Variants in DCHS1 observed in about 807,000 individuals in gnomAD.
DCHS1 encodes protocadherin-16.
Under a neutral mutation model 213.9 loss-of-function variants are expected in DCHS1, and 78 were observed. The ratio of observed to expected loss-of-function variants is 0.36; its 90% confidence interval spans 0.30 to 0.44. DCHS1 has a LOEUF of 0.44. Ranked by LOEUF, DCHS1 falls within the 20% of genes least tolerant of loss-of-function variation. The probability of loss-of-function intolerance (pLI) is 1.00; values close to 1 mark genes in which losing one functional copy is unlikely to be tolerated. For missense variants in DCHS1, 3,946 were observed against 4,395.9 expected, an observed-to-expected ratio of 0.90 and a Z score of 2.89; for synonymous variants, 1,828 against 1,873.7, an observed-to-expected ratio of 0.98 and a Z score of 0.63.
chr11:6,636,346 A>T (rs1043125942), intron 2 of DCHS1, among the ~76,000 whole-genome samples: 1 of 152,130 alleles, frequency 6.6e-6, no homozygotes, highest in Non-Finnish European at 1.5e-5. Flanking sequence ...AACAACTAGG[A>T]CTACAGGCGT....
chr11:6,621,823 C>T lies in DCHS1; in HGVS notation c.9853G>A (p.Glu3285Lys). ...QGPSASALSA[E>K]SGLEPPDDTE... ...TCATCAGGTGGCTCCAGGCCAGACT[C>T]TGCGCTGAGTGCTGAGGCTGAGGGA... Residue 3285 changes from glutamate to lysine, a missense_variant, in exon 21 of 21, where the codon GAG (glutamate) becomes AAG (lysine). Glu to Lys is a moderately conservative substitution (Grantham distance 56). Transcript: ENST00000299441. The T allele has an allele frequency of 1.9e-6, 3 of 1,607,248 alleles. No homozygotes were observed. Among genetic ancestry groups the T allele is most frequent in the Non-Finnish European group, 2.5e-6 (3 of 1,177,248 alleles).
chr11:6,654,709 T>C (rs891088963), intron 1 of DCHS1, among the ~76,000 whole-genome samples: 4 of 152,134 alleles, frequency 2.6e-5, no homozygotes, highest in Non-Finnish European at 1.5e-5. Flanking sequence ...TCCCTGGGAC[T>C]GTGTCCTCTT....
intron 11 of DCHS1, 40 bp downstream of exon 11, chr11:6,629,632 C>T (rs778652625): frequency 1.2e-6 from 2 of 1,612,462 alleles, no homozygotes; most frequent in African/African-American, 2.7e-5. Context: ...GTTTCTTGCC[C>T]CAGTCCATCC....
At position 6,628,854 on chromosome 11, in the gene DCHS1, G is replaced by C. The variant is rs201230965; in HGVS notation, c.5162-24C>G. The C allele has an allele frequency of 6.3e-7, 1 of 1,599,680 alleles. No individual in the cohort carries two copies. Among genetic ancestry groups the C allele is most frequent in the East Asian group, 2.3e-5 (1 of 44,286 alleles). ...CACTGTGGGGAAGCAAAATCAATGAGGTCTAGTCTGCCCTCACCACATGGA... is the reference window on the plus strand; with the variant it reads ...CACTGTGGGGAAGCAAAATCAATGACGTCTAGTCTGCCCTCACCACATGGA... On this transcript the variant is annotated intron_variant, in intron 12 of 20. Transcript: ENST00000299441. The surrounding 1 kb of genome is among the most constrained non-coding windows in gnomAD (Gnocchi z 4.3).
chr11:6,631,676 G>A lies in DCHS1; in HGVS notation c.3615C>T (p.Asn1205=), dbSNP rs1218547224. ...GTVHVAVLDL[N]DNSPTFLQAS... ...CCTGCAGGAACGTGGGGCTGTTGTCGTTGAGGTCAAGCACTGCAACATGCA... is the reference window on the plus strand; with the variant it reads ...CCTGCAGGAACGTGGGGCTGTTGTCATTGAGGTCAAGCACTGCAACATGCA... The change falls in exon 7 of 21, where the codon AAC becomes AAT. Residue 1205 remains asparagine (N), a synonymous_variant. Coordinates refer to ENST00000299441, the MANE Select transcript of DCHS1 (RefSeq NM_003737.4). 8.7e-6 allele frequency: 14 copies of A among 1,608,414 alleles called. No homozygotes were observed. In the Admixed American group the frequency reaches 1.0e-4, roughly 12 times the overall value.
At position 6,631,035 on chromosome 11, in the gene DCHS1, G is replaced by C. The variant is rs970326159; in HGVS notation, c.3930+18C>G. 3.1e-6 allele frequency: 5 copies of C among 1,588,474 alleles called. No individual in the cohort carries two copies. The highest frequency in any genetic ancestry group is 4.3e-6 in the Non-Finnish European group (5 of 1,165,734). ...GGGGACCTACAGCGGTAGCCAAGGG[G>C]AGGAAGGGCAGCCATACCTGCACCA... On this transcript the variant is annotated intron_variant, in intron 9 of 20. Transcript: ENST00000299441.
At position 6,631,028 on chromosome 11, in the gene DCHS1, C is replaced by T. The variant is rs1226386052; in HGVS notation, c.3930+25G>A. 24 of 1,584,398 alleles carry T rather than the reference C, an allele frequency of 1.5e-5. No homozygotes were observed. In the Admixed American group the frequency reaches 4.1e-4, roughly 27 times the overall value. On this transcript the variant is annotated intron_variant, in intron 9 of 20. Transcript: ENST00000299441. Reference sequence around the variant, plus strand: ...TACTGAAGGGGACCTACAGCGGTAGCCAAGGGGAGGAAGGGCAGCCATACC... The same window carrying T: ...TACTGAAGGGGACCTACAGCGGTAGTCAAGGGGAGGAAGGGCAGCCATACC...
Position 6,640,610 on chromosome 11 carries a change from C to A in DCHS1, c.1004G>T (p.Arg335Leu). The A allele has an allele frequency of 6.2e-7, 1 of 1,609,240 alleles. No homozygotes were observed. The highest frequency in any genetic ancestry group is 1.1e-5 in the South Asian group (1 of 91,088). Residue 335 changes from arginine (R) to leucine (L), a missense_variant, in exon 2 of 21, where the codon CGA becomes CTA. Around this residue, in one of 3 missense-constraint regions of DCHS1, gnomAD observed 3,384 missense variants for 3,780.1 expected, o/e 0.90. Transcript: ENST00000299441. This position sits in a 1 kb window ranked among gnomAD's most constrained non-coding sequence, Gnocchi z 6.5. ...RRVHELVVQA[R>L]DGGAHPELGS... The stretch of plus-strand genomic sequence containing the variant: ...CAGCTCAGGGTGAGCCCCACCATCT[C>A]GTGCTTGCACCACCAGTTCATGGAC...
chr11:6,641,109 C>T lies in DCHS1; in HGVS notation c.505G>A (p.Asp169Asn). The change falls in exon 2 of 21, where the codon GAT becomes AAT. Residue 169 changes from aspartate to asparagine, a missense_variant. Coordinates refer to ENST00000299441, the MANE Select transcript of DCHS1 (RefSeq NM_003737.4). The surrounding 1 kb of genome is among the most constrained non-coding windows in gnomAD (Gnocchi z 7.1). ...GTTCCCAGACGCCCAGCATCTGCAT[C>T]ACGAGCAGGCTCCAGTGGGTAGCGG... ...GTRYPLEPAR[D>N]ADAGRLGTQG... 1.2e-6 allele frequency: 2 copies of T among 1,613,938 alleles called. No homozygotes were observed. The highest frequency in any genetic ancestry group is 1.7e-6 in the Non-Finnish European group (2 of 1,179,902).
chr11:6,622,054 C>T lies in DCHS1; in HGVS notation c.9622G>A (p.Val3208Met), dbSNP rs746122566. Reference protein sequence around the residue: ...RIDPPPLITAVAHPGAKSVPP... With the variant: ...RIDPPPLITAMAHPGAKSVPP... The stretch of plus-strand genomic sequence containing the variant: ...ACAGACTTGGCTCCTGGGTGGGCCA[C>T]GGCAGTGATGAGGGGTGGTGGGTCG... Residue 3208 changes from valine to methionine, a missense_variant, in exon 21 of 21, where the codon GTG (valine) becomes ATG (methionine). Val to Met is a conservative substitution (Grantham distance 21, BLOSUM62 1). Coordinates refer to ENST00000299441, the MANE Select transcript of DCHS1 (RefSeq NM_003737.4). The surrounding 1 kb of genome is among the most constrained non-coding windows in gnomAD (Gnocchi z 5.4). 3 of 1,608,984 alleles carry T rather than the reference C, an allele frequency of 1.9e-6. No individual in the cohort carries two copies. Among genetic ancestry groups the T allele is most frequent in the East Asian group, 2.2e-5 (1 of 44,742 alleles).
chr11:6,621,888 G>A lies in DCHS1; in HGVS notation c.9788C>T (p.Ala3263Val), dbSNP rs2134605583. ...AAATGGTGAGACAACGGGTGAGCGA[G>A]CAGCCAGAGGAGACAGAGAGGGTGA... ...SFSPSLSPLA[A>V]RSPVVSPFGV... Residue 3263 changes from alanine (A) to valine (V), a missense_variant, in exon 21 of 21, where the codon GCT (alanine) becomes GTT (valine). Around this residue, in one of 3 missense-constraint regions of DCHS1, gnomAD observed 554 missense variants for 590.2 expected, o/e 0.94. Transcript: ENST00000299441. 6.2e-7 allele frequency: 1 copy of A among 1,612,494 alleles called. No homozygotes were observed. The highest frequency in any genetic ancestry group is 1.1e-5 in the South Asian group (1 of 90,828).
At chr11:6,647,502 G>A (rs1856180455) in intron 1 of DCHS1, among the ~76,000 whole-genome samples, 1 of 152,196 alleles carries the variant, frequency 6.6e-6, no homozygotes, top group South Asian at 2.1e-4. Context: ...AGCACTCCAG[G>A]GAGAAGCTGA....
chr11:6,629,078 A>T (rs1198733252), intron 12 of DCHS1, among the ~76,000 whole-genome samples: 1 of 152,214 alleles, frequency 6.6e-6, no homozygotes, highest in Non-Finnish European at 1.5e-5. Flanking sequence ...ATGAGGTATG[A>T]AAAGATCTGG....
At chr11:6,629,123 T>C (rs1855859138) in intron 12 of DCHS1, among the ~76,000 whole-genome samples, 1 of 152,224 alleles carries the variant, frequency 6.6e-6, no homozygotes, top group Admixed American at 6.5e-5. Context: ...CCAAGCTGCA[T>C]GAGCTTGAGC....
In DCHS1 at chr11:6,624,135, C is replaced by A. The variant is rs899577280; in HGVS notation, c.7541G>T (p.Ser2514Ile). The A allele has an allele frequency of 6.2e-7, 1 of 1,611,448 alleles. No homozygotes were observed. The highest frequency in any genetic ancestry group is 1.3e-5 in the African/African-American group (1 of 74,934). Reference sequence around the variant, plus strand: ...GATGCTGTAGTCCACAGCGGCATGGCTGCGGCTTCCATCAGCATCTGTAGC... The same window carrying A: ...GATGCTGTAGTCCACAGCGGCATGGATGCGGCTTCCATCAGCATCTGTAGC... ...LEATDADGSR[S>I]HAAVDYSIIS... Residue 2514 changes from serine to isoleucine, a missense_variant, in exon 21 of 21, where the codon AGC (serine) becomes ATC (isoleucine). This residue lies in a region of DCHS1 where 3,384 missense variants were observed against 3,780.1 expected (regional missense o/e 0.90). Transcript: ENST00000299441.
Position 6,621,577 on chromosome 11 carries a change from C to T in DCHS1, c.*202G>A. On this transcript the variant is annotated 3_prime_UTR_variant, in exon 21 of 21. Coordinates refer to ENST00000299441, the MANE Select transcript of DCHS1 (RefSeq NM_003737.4). ...CTTCATATTTCTCCCCACATTGGAC[C>T]TGGTCACAGGTCAGTGAGCAACAGG... The T allele has an allele frequency of 1.4e-6, 1 of 717,900 alleles. No homozygotes were observed. Among genetic ancestry groups the T allele is most frequent in the South Asian group, 1.5e-5 (1 of 66,910 alleles). The allele number at this position is 717,900 out of a possible 1,614,324, so 44.5% of individuals were successfully genotyped here. A position where few individuals can be genotyped will look rare whatever the true frequency, so the allele number is the denominator to read the frequency against.
chr11:6,622,269 G>T lies in DCHS1; in HGVS notation c.9407C>A (p.Pro3136Gln). The change falls in exon 21 of 21, where the codon CCA (proline) becomes CAA (glutamine). Residue 3136 changes from proline (P) to glutamine (Q), a missense_variant. Coordinates refer to ENST00000299441, the MANE Select transcript of DCHS1 (RefSeq NM_003737.4). This position sits in a 1 kb window ranked among gnomAD's most constrained non-coding sequence, Gnocchi z 5.4. ...SPAPTGDYGFPADGKPCVAGA... is the reference protein window; with the variant it reads ...SPAPTGDYGFQADGKPCVAGA... Reference sequence around the variant, plus strand: ...TGCCACACATGGCTTGCCATCTGCTGGGAAGCCATAGTCCCCAGTGGGTGC... The same window carrying T: ...TGCCACACATGGCTTGCCATCTGCTTGGAAGCCATAGTCCCCAGTGGGTGC... The T allele has an allele frequency of 6.2e-7, 1 of 1,605,830 alleles. No individual in the cohort carries two copies. Among genetic ancestry groups the T allele is most frequent in the East Asian group, 2.2e-5 (1 of 44,688 alleles).
Position 6,628,516 on chromosome 11 carries a change from G to C in DCHS1, c.5371+105C>G. On this transcript the variant is annotated intron_variant, in intron 13 of 20. Transcript: ENST00000299441. This position sits in a 1 kb window ranked among gnomAD's most constrained non-coding sequence, Gnocchi z 4.3. ...AAAGAAAAGGTGGACGACATCAAGA[G>C]GGAAAAGGAGACCCAGACACATGCA... 1 of 1,298,214 alleles carries C rather than the reference G, an allele frequency of 7.7e-7. No individual in the cohort carries two copies. Among genetic ancestry groups the C allele is most frequent in the Non-Finnish European group, 1.1e-6 (1 of 907,292 alleles). The allele number at this position is 1,298,214 out of a possible 1,614,324, so 80.4% of individuals were successfully genotyped here.
chr11:6,633,131 G>A (rs1484164715), intron 5 of DCHS1, 75 bp from the exon 6 acceptor site: 21 of 1,504,120 alleles, frequency 1.4e-5, no homozygotes, highest in South Asian at 5.2e-5. Context: ...GTCTGATCCC[G>A]AGAAGGACTG....
Sources: allele counts gnomAD v4.1 joint callset (sites outside exome capture counted in the v4.1 genomes callset), GRCh38; gene constraint gnomAD v4.1.1; regional missense constraint gnomAD v4.1.1; non-coding constraint Gnocchi (gnomAD v3.1); transcripts MANE v1.5; gene names NCBI Gene and HGNC (gene_info 2026-07-23, HGNC 2026-07-21).